Variants in TNFRSF9 observed in about 807,000 individuals in gnomAD.
The protein encoded by TNFRSF9 is tumor necrosis factor receptor superfamily member 9.
Under a neutral mutation model 28.8 loss-of-function variants are expected in TNFRSF9, and 16 were observed. That is an observed-to-expected ratio of 0.55 (90% CI 0.38 to 0.84). The LOEUF (loss-of-function observed/expected upper bound fraction) is 0.84, where lower values mean the gene tolerates loss of function less well. TNFRSF9 is among the 40% of genes least tolerant of loss of function. The pLI, the probability that TNFRSF9 is intolerant of heterozygous loss-of-function variation, is 0.00. For synonymous variants in TNFRSF9, 131 were observed against 117.0 expected (o/e 1.12, Z -0.77); for missense variants, 303 against 315.0 (o/e 0.96, Z 0.29).
intron 5 of TNFRSF9, 95 bp from the exon 6 acceptor site, chr1:7,935,238 T>C: frequency 7.1e-7 from 1 of 1,411,244 alleles, no homozygotes; most frequent in South Asian, 1.4e-5. Context: ...TGAAGTAGCC[T>C]AGTGAAAAAG....
rs760719595 is a variant in TNFRSF9 at position 7,935,150 on chromosome 1, C to T, written c.414-7G>A. ...CTTTCCATCCAAAGAACAGCTTAGA[C>T]AGTTCAATGAAAATAATTTAAATAA... is the stretch of plus-strand genomic sequence containing the variant. On this transcript the variant is annotated splice_polypyrimidine_tract_variant and splice_region_variant and intron_variant, in intron 5 of 7. Transcript: ENST00000377507. 2 of 1,611,276 alleles carry T rather than the reference C, an allele frequency of 1.2e-6. No homozygotes were observed. Among genetic ancestry groups the T allele is most frequent in the South Asian group, 2.2e-5 (2 of 90,278 alleles).
chr1:7,924,314 T>TATATATATATATATATAA (rs1639605839), intron 7 of TNFRSF9, among the ~76,000 whole-genome samples: 3 of 108,818 alleles, frequency 2.8e-5, no homozygotes, highest in Non-Finnish European at 4.7e-5. Context: ...TATATATATA[T>TATATATATATATATATAA]ATATATATAT....
chr1:7,924,294 CATATATATAT>C (rs58569630), intron 7 of TNFRSF9, among the ~76,000 whole-genome samples: 7,219 of 129,702 alleles, frequency 0.056, 238 homozygotes, highest in South Asian at 0.14. Flanking sequence ...TAGTATATTC[CATATATATAT>C]ATATATATAT....
At chr1:7,939,825 T>C (rs1329416343) in intron 2 of TNFRSF9, 70 bp downstream of exon 2, 3 of 1,214,006 alleles carry the variant, frequency 2.5e-6, no homozygotes, top group African/African-American at 3.0e-5. Flanking sequence ...TCGTTAGCCC[T>C]GACTACTAGA....
At chr1:7,926,325 G>A (rs951022686) in intron 7 of TNFRSF9, among the ~76,000 whole-genome samples, 1 of 152,188 alleles carries the variant, frequency 6.6e-6, no homozygotes, top group Non-Finnish European at 1.5e-5. Flanking sequence ...TGTAGTATAG[G>A]AGGGATAGGC....
chr1:7,934,204 C>T (rs1055649305), intron 6 of TNFRSF9, among the ~76,000 whole-genome samples: 7 of 151,730 alleles, frequency 4.6e-5, no homozygotes, highest in African/African-American at 9.7e-5. Context: ...AGCAAGACCC[C>T]GACTCTGCCA....
chr1:7,927,705 A>C (rs1246849424), intron 7 of TNFRSF9, among the ~76,000 whole-genome samples: 1 of 151,838 alleles, frequency 6.6e-6, no homozygotes, highest in African/African-American at 2.4e-5. Context: ...GAAATAGAAA[A>C]CTGTAAAAGT....
intron 6 of TNFRSF9, among the ~76,000 whole-genome samples, chr1:7,934,135 GGAGCCCAAGGCAGGAGGATTGCTT>G (rs1201416852): frequency 2.6e-4 from 40 of 152,192 alleles, no homozygotes; most frequent in Non-Finnish European, 5.3e-4. Flanking sequence ...CAACACTTTG[GGAGCCCAAGGCAGGAGGATTGCTT>G]GAGCCCAAGA....
Position 7,916,232 on chromosome 1 carries a change from T to C in TNFRSF9, c.*4603A>G, listed in dbSNP as rs1049013177. On this transcript the variant is annotated 3_prime_UTR_variant, in exon 8 of 8. Transcript: ENST00000377507. ...AAATGTGCTAATTTATTTTTAATCA[T>C]AGAAATTTACATTTATTTCTATTAA... 1 of 152,234 alleles carries C rather than the reference T, an allele frequency of 6.6e-6. No individual in the cohort carries two copies. The highest frequency in any genetic ancestry group is 1.5e-5 in the Non-Finnish European group (1 of 68,036). The allele number at this position is 152,234 out of a possible 1,614,324, so 9.4% of individuals were successfully genotyped here.
chr1:7,939,531 C>T (rs1404368237), intron 2 of TNFRSF9, among the ~76,000 whole-genome samples: 3 of 152,142 alleles, frequency 2.0e-5, no homozygotes, highest in Non-Finnish European at 4.4e-5. Context: ...TCTGTTAAGC[C>T]CTTTACTACG....
chr1:7,934,945 G>A (rs889648465), intron 6 of TNFRSF9, 68 bp downstream of exon 6: 8 of 1,587,206 alleles, frequency 5.0e-6, no homozygotes, highest in Non-Finnish European at 6.9e-6. Flanking sequence ...ATGATATTGG[G>A]GCAATTTAGA....
In TNFRSF9 at chr1:7,939,485, C is replaced by G. The variant is rs574370720; in HGVS notation, c.100+410G>C. ...CTGGATCCAGGAGGACATCAATGTC[C>G]TACACTAAAATTTAAATGCGACTGA... On this transcript the variant is annotated intron_variant, in intron 2 of 7. Transcript: ENST00000377507. Among the ~76,000 whole-genome samples the G allele has an allele frequency of 1.8e-4, 27 of 152,204 alleles. No homozygotes were observed. The East Asian group carries it at 5.2e-3, about 29-fold the overall frequency.
intron 7 of TNFRSF9, among the ~76,000 whole-genome samples, chr1:7,922,390 A>G (rs1262795894): frequency 2.6e-5 from 4 of 152,174 alleles, no homozygotes; most frequent in East Asian, 1.9e-4. Flanking sequence ...AGGAAGGCCA[A>G]TTGGGTCAGG....
In TNFRSF9 at chr1:7,917,169, G is replaced by GATC. The variant is rs1329424710; in HGVS notation, c.*3663_*3665dup. ...TGTCTCAAAACTCCTGACCTCAGGTGATCCATCCGCGTCGGCCTCCCAAAG... is the reference window on the plus strand; with the variant it reads ...TGTCTCAAAACTCCTGACCTCAGGTGATCATCCATCCGCGTCGGCCTCCCAAAG... On this transcript the variant is annotated 3_prime_UTR_variant, in exon 8 of 8. Coordinates refer to ENST00000377507, the MANE Select transcript of TNFRSF9 (RefSeq NM_001561.6). The GATC allele has an allele frequency of 2.0e-5, 3 of 152,264 alleles. No homozygotes were observed. Among genetic ancestry groups the GATC allele is most frequent in the African/African-American group, 7.2e-5 (3 of 41,456 alleles). 9.4% of individuals were successfully genotyped at this position (152,264 alleles called of 1,614,324 possible).
intron 7 of TNFRSF9, among the ~76,000 whole-genome samples, chr1:7,922,671 G>T (rs1639579130): frequency 6.6e-6 from 1 of 151,868 alleles, no homozygotes; most frequent in South Asian, 2.1e-4. Context: ...AATTAGCTGG[G>T]CATGGTGGCG....
In TNFRSF9 at chr1:7,919,943, G is replaced by A. The variant is rs1639532368; in HGVS notation, c.*892C>T. The A allele has an allele frequency of 6.6e-6, 1 of 152,320 alleles. No homozygotes were observed. The allele number at this position is 152,320 out of a possible 1,614,324, so 9.4% of individuals were successfully genotyped here. ...CTGGCTTAAAAGGGAGCAGGACAAA[G>A]GCAGAAGGTGTGAGGATGGAGAAGA... On this transcript the variant is annotated 3_prime_UTR_variant, in exon 8 of 8. Transcript: ENST00000377507.
At chr1:7,921,450 A>G (rs1172422436) in intron 7 of TNFRSF9, among the ~76,000 whole-genome samples, 1 of 151,388 alleles carries the variant, frequency 6.6e-6, no homozygotes, top group Non-Finnish European at 1.5e-5. Flanking sequence ...GGTGGATCAC[A>G]AGGTCAGGAG....
intron 5 of TNFRSF9, among the ~76,000 whole-genome samples, chr1:7,935,651 C>T (rs1557429734): frequency 6.6e-6 from 1 of 152,050 alleles, no homozygotes. Context: ...CATAGCAAGA[C>T]CCCATCTCTA....
chr1:7,934,756 T>A (rs1055100505), intron 6 of TNFRSF9, among the ~76,000 whole-genome samples: 12 of 152,056 alleles, frequency 7.9e-5, no homozygotes, highest in African/African-American at 2.7e-4. Flanking sequence ...TGGGACCCTA[T>A]AATCCCCTTT....
Sources: allele counts gnomAD v4.1 joint callset (sites outside exome capture counted in the v4.1 genomes callset), GRCh38; gene constraint gnomAD v4.1.1; transcripts MANE v1.5; gene names NCBI Gene and HGNC (gene_info 2026-07-23, HGNC 2026-07-21).